The following OR51B5 variants were observed in gnomAD, a reference collection of about 807,000 sequenced individuals.
OR51B5 encodes the protein olfactory receptor 51B5.
For synonymous variants in OR51B5, 186 were observed against 144.8 expected (o/e 1.28, Z -2.04); for missense variants, 456 against 374.6 (o/e 1.22, Z -1.79).
chr11:5,356,628 C>G (rs1004937109), intron 1 of OR51B5, among the ~76,000 whole-genome samples: 8 of 130,682 alleles, frequency 6.1e-5, no homozygotes, highest in African/African-American at 1.7e-4. Context: ...ACAGAGAACG[C>G]CACAAAGATA....
intron 1 of OR51B5, among the ~76,000 whole-genome samples, chr11:5,394,835 T>C (rs898376762): frequency 1.3e-5 from 2 of 152,220 alleles, no homozygotes; most frequent in African/African-American, 2.4e-5. Flanking sequence ...AGTTTGTGTC[T>C]TATTAATGCT....
intron 1 of OR51B5, among the ~76,000 whole-genome samples, chr11:5,447,588 T>C (rs1487652882): frequency 6.7e-6 from 1 of 149,690 alleles, no homozygotes; most frequent in African/African-American, 2.5e-5. Context: ...CCGCTCAGTC[T>C]CAATCCCATA....
intron 1 of OR51B5, among the ~76,000 whole-genome samples, chr11:5,371,924 C>G (rs1712218037): frequency 6.6e-6 from 1 of 152,034 alleles, no homozygotes; most frequent in African/African-American, 2.4e-5. Flanking sequence ...CTTTCTTCCC[C>G]TTTTTACACT....
In OR51B5 at chr11:5,440,719, A is replaced by G. The variant is rs1464939646; in HGVS notation, n.84+64850T>C. ...ACAACAGGTGGAGCACTTTTCCAGA[A>G]GCGGTGAATCATGGAGACAGCAATT... is the stretch of plus-strand genomic sequence containing the variant. On this transcript the variant is annotated intron_variant and non_coding_transcript_variant, in intron 1 of 4. Coordinates refer to the OR51B5 transcript ENST00000415970. 3 of 1,613,874 alleles carry G rather than the reference A, an allele frequency of 1.9e-6. No individual in the cohort carries two copies. In the African/African-American group the frequency reaches 4.0e-5, roughly 22 times the overall value.
intron 1 of OR51B5, among the ~76,000 whole-genome samples, chr11:5,404,050 G>A (rs934415549): frequency 1.3e-5 from 2 of 151,586 alleles, no homozygotes; most frequent in African/African-American, 4.9e-5. Flanking sequence ...GCCCCAACTT[G>A]GAAGTCTTGA....
At chr11:5,358,178 C>A (rs1849223600) in intron 1 of OR51B5, among the ~76,000 whole-genome samples, 1 of 151,770 alleles carries the variant, frequency 6.6e-6, no homozygotes, top group Non-Finnish European at 1.5e-5. Context: ...ACAAAAAAAC[C>A]CTTCAAAAAA....
chr11:5,386,721 G>C (rs555987290), intron 1 of OR51B5, among the ~76,000 whole-genome samples: 44 of 152,018 alleles, frequency 2.9e-4, no homozygotes, highest in African/African-American at 1.1e-3. Flanking sequence ...AGCAGGTGTG[G>C]AAAAGCTAAG....
chr11:5,397,225 T>G (rs373097066), intron 1 of OR51B5, among the ~76,000 whole-genome samples: 43 of 152,122 alleles, frequency 2.8e-4, no homozygotes, highest in African/African-American at 7.0e-4. Context: ...AAACTAAAGA[T>G]CTTCTGCACA....
At chr11:5,460,806 T>C (rs1851038730) in intron 1 of OR51B5, among the ~76,000 whole-genome samples, 1 of 152,240 alleles carries the variant, frequency 6.6e-6, no homozygotes, top group South Asian at 2.1e-4. Flanking sequence ...AAGTTTGGTT[T>C]AGTTGATTGC....
intron 1 of OR51B5, among the ~76,000 whole-genome samples, chr11:5,352,927 T>C (rs1849124697): frequency 6.7e-6 from 1 of 149,494 alleles, no homozygotes; most frequent in Non-Finnish European, 1.5e-5. Context: ...ATTATATATA[T>C]AATTCTTGGG....
rs11037127 is a variant in OR51B5, at chr11:5,383,206, G to T, written n.85-36296C>A. On this transcript the variant is annotated intron_variant and non_coding_transcript_variant, in intron 1 of 4. Coordinates refer to the OR51B5 transcript ENST00000415970. The stretch of plus-strand genomic sequence containing the variant: ...AGGAAAGTCCAGTGCATTCAAAGAT[G>T]AAGTAGAGAGCTTTGGGAAAGCCTG... Among the ~76,000 whole-genome samples the T allele has an allele frequency of 3.6e-3, 547 of 152,178 alleles. 1 individual carries two copies. The highest frequency in any genetic ancestry group is 0.012 in the African/African-American group (518 of 41,526).
chr11:5,425,565 A>G (rs1850435349), intron 1 of OR51B5, among the ~76,000 whole-genome samples: 1 of 152,116 alleles, frequency 6.6e-6, no homozygotes, highest in African/African-American at 2.4e-5. Context: ...TTAAAACATC[A>G]TGATATGTTT....
At chr11:5,484,440 G>C (rs1851471629) in intron 1 of OR51B5, among the ~76,000 whole-genome samples, 1 of 152,164 alleles carries the variant, frequency 6.6e-6, no homozygotes, top group Admixed American at 6.5e-5. Flanking sequence ...GAATAGGCCA[G>C]AAAGAAAGGA....
At chr11:5,501,488 T>A (rs1846291292) in intron 1 of OR51B5, among the ~76,000 whole-genome samples, 1 of 147,996 alleles carries the variant, frequency 6.8e-6, no homozygotes, top group African/African-American at 2.4e-5. Context: ...CCTCCCATAG[T>A]TGCACTCCTG....
At chr11:5,410,112 C>G in intron 1 of OR51B5, among the ~76,000 whole-genome samples, 1 of 151,912 alleles carries the variant, frequency 6.6e-6, no homozygotes, top group East Asian at 1.9e-4. Flanking sequence ...AGCAAACCTG[C>G]GTTATATCAA....
At chr11:5,427,658 A>G (rs1850470156) in intron 1 of OR51B5, among the ~76,000 whole-genome samples, 1 of 152,218 alleles carries the variant, frequency 6.6e-6, no homozygotes, top group Admixed American at 6.5e-5. Flanking sequence ...ATCTTTGGAA[A>G]TAATTTTAAC....
At chr11:5,415,365 A>G (rs1207789780) in intron 1 of OR51B5, among the ~76,000 whole-genome samples, 2 of 151,300 alleles carry the variant, frequency 1.3e-5, no homozygotes, top group Non-Finnish European at 2.9e-5. Flanking sequence ...AATTAAAAGA[A>G]CTAGAAAAGC....
intron 1 of OR51B5, chr11:5,488,770 G>C: frequency 6.2e-7 from 1 of 1,614,020 alleles, no homozygotes; most frequent in Non-Finnish European, 8.5e-7. Context: ...AGGGATCCCA[G>C]GGCTGGAGGC....
At chr11:5,402,104 T>C (rs1849979587) in intron 1 of OR51B5, among the ~76,000 whole-genome samples, 1 of 152,004 alleles carries the variant, frequency 6.6e-6, no homozygotes, top group Admixed American at 6.6e-5. Context: ...CTTTGCCTTC[T>C]GGGCCCAAGT....
Sources: allele counts gnomAD v4.1 joint callset (sites outside exome capture counted in the v4.1 genomes callset), GRCh38; gene constraint gnomAD v4.1.1; transcripts MANE v1.5; gene names NCBI Gene and HGNC (gene_info 2026-07-23, HGNC 2026-07-21).